Variants in NRG1 observed in about 807,000 individuals in gnomAD.
The protein encoded by NRG1 is neuregulin 1.
Under a neutral mutation model 63.8 loss-of-function variants are expected in NRG1, and 18 were observed. That is an observed-to-expected ratio of 0.28 (90% CI 0.19 to 0.42). The LOEUF (loss-of-function observed/expected upper bound fraction) is 0.42. Among genes scored for constraint, NRG1 ranks in the 10% least tolerant of loss-of-function variants. The probability of loss-of-function intolerance (pLI) is 1.00; values close to 1 mark genes in which losing one functional copy is unlikely to be tolerated. For missense variants in NRG1, 762 were observed against 814.7 expected (o/e 0.94, Z 0.79); for synonymous variants, 302 against 301.3 (o/e 1.00, Z -0.02).
chr8:32,728,462 C>T, intron 6 of NRG1: 1 of 985,136 alleles, frequency 1.0e-6, no homozygotes, highest in African/African-American at 1.7e-5. Flanking sequence ...GATAATGTTG[C>T]TTTCTTATCC....
chr8:32,544,295 A>T (rs1249086930), upstream of NRG1, among the ~76,000 whole-genome samples: 1 of 152,100 alleles, frequency 6.6e-6, no homozygotes, highest in Non-Finnish European at 1.5e-5. Context: ...TTAATTTTGC[A>T]GTATTTTTCT....
chr8:31,996,057 C>T (rs1811918208), intron 1 of NRG1, among the ~76,000 whole-genome samples: 1 of 151,728 alleles, frequency 6.6e-6, no homozygotes, highest in South Asian at 2.1e-4. Context: ...TCTTCTTCAT[C>T]TCATCAAGTA....
chr8:32,456,860 G>A (rs968522800), intron 1 of NRG1, among the ~76,000 whole-genome samples: 2 of 152,096 alleles, frequency 1.3e-5, no homozygotes, highest in Admixed American at 6.6e-5. Context: ...CTGGCCGGGC[G>A]TAGACTCACG....
chr8:31,959,800 T>C (rs1354142189), intron 1 of NRG1, among the ~76,000 whole-genome samples: 1 of 108,954 alleles, frequency 9.2e-6, no homozygotes, highest in African/African-American at 2.9e-5. Flanking sequence ...ATTTATTATT[T>C]ATTTATTTAT....
intron 1 of NRG1, among the ~76,000 whole-genome samples, chr8:32,194,713 A>G (rs1352396511): frequency 2.6e-5 from 4 of 152,112 alleles, no homozygotes; most frequent in African/African-American, 9.7e-5. Context: ...AAACTTGTAA[A>G]AAGTGAGACC....
At chr8:32,431,691 G>A (rs188055400) in intron 1 of NRG1, among the ~76,000 whole-genome samples, 10 of 151,834 alleles carry the variant, frequency 6.6e-5, no homozygotes, top group Middle Eastern at 3.4e-3. Flanking sequence ...ATATTTTAAC[G>A]ATGATTTAAT....
At chr8:32,306,742 A>C (rs781737640) in intron 1 of NRG1, among the ~76,000 whole-genome samples, 1 of 152,152 alleles carries the variant, frequency 6.6e-6, no homozygotes, top group African/African-American at 2.4e-5. Context: ...GTTGCTCCGA[A>C]TTTTGTGATC....
intron 5 of NRG1, among the ~76,000 whole-genome samples, chr8:32,661,574 G>A (rs1486207557): frequency 6.6e-6 from 1 of 150,742 alleles, no homozygotes. Context: ...CATGCAGCTA[G>A]TAAGAAACAC....
At chr8:31,716,886 A>G (rs1812401557) in intron 1 of NRG1, among the ~76,000 whole-genome samples, 1 of 152,238 alleles carries the variant, frequency 6.6e-6, no homozygotes, top group Non-Finnish European at 1.5e-5. Flanking sequence ...TATTCAGAAA[A>G]TGTCAGAGCT....
intron 1 of NRG1, among the ~76,000 whole-genome samples, chr8:32,506,059 G>A (rs1013060827): frequency 2.0e-5 from 3 of 151,966 alleles, no homozygotes; most frequent in South Asian, 4.1e-4. Context: ...AGACCATACT[G>A]GGCAAGATAG....
chr8:32,150,601 G>T (rs1837397033), intron 1 of NRG1, among the ~76,000 whole-genome samples: 1 of 152,142 alleles, frequency 6.6e-6, no homozygotes, highest in African/African-American at 2.4e-5. Flanking sequence ...CTTAATCTTG[G>T]ACGTTCCAGC....
At chr8:31,669,904 TGTG>T (rs1806947128) in intron 1 of NRG1, among the ~76,000 whole-genome samples, 2 of 152,186 alleles carry the variant, frequency 1.3e-5, no homozygotes, top group Non-Finnish European at 2.9e-5. Context: ...ATTTTCCACT[TGTG>T]GTGTCATGTT....
intron 2 of NRG1, among the ~76,000 whole-genome samples, chr8:32,601,255 T>C (rs1844304843): frequency 6.6e-6 from 1 of 152,304 alleles, no homozygotes; most frequent in South Asian, 2.1e-4. Context: ...TTCTGTGTGA[T>C]ATTTTTGAAT....
At chr8:32,296,344 C>T (rs1396925407) in intron 1 of NRG1, among the ~76,000 whole-genome samples, 1 of 152,250 alleles carries the variant, frequency 6.6e-6, no homozygotes, top group South Asian at 2.1e-4. Flanking sequence ...AACCCCAGCC[C>T]TTTGGGGGGC....
intron 1 of NRG1, among the ~76,000 whole-genome samples, chr8:31,884,050 G>A (rs1830545580): frequency 6.6e-6 from 1 of 152,028 alleles, no homozygotes; most frequent in Admixed American, 6.6e-5. Context: ...TTACTATTTA[G>A]ATCCTGAACA....
At chr8:31,927,542 G>C (rs1048682048) in intron 1 of NRG1, among the ~76,000 whole-genome samples, 2 of 143,484 alleles carry the variant, frequency 1.4e-5, no homozygotes, top group African/African-American at 5.1e-5. Flanking sequence ...TCCGCCTCCG[G>C]GGTTCACGCC....
chr8:31,687,569 T>C (rs1162296376), intron 1 of NRG1, among the ~76,000 whole-genome samples: 2 of 152,206 alleles, frequency 1.3e-5, no homozygotes, highest in African/African-American at 2.4e-5. Context: ...GCACTTACCA[T>C]GGTAGAGTAG....
intron 1 of NRG1, among the ~76,000 whole-genome samples, chr8:31,865,762 AC>A (rs1487213291): frequency 6.6e-6 from 1 of 152,140 alleles, no homozygotes; most frequent in Non-Finnish European, 1.5e-5. Flanking sequence ...ATTATAAATT[AC>A]CCAGTCTCAG....
intron 1 of NRG1, among the ~76,000 whole-genome samples, chr8:32,579,574 G>A (rs1270587086): frequency 6.6e-6 from 1 of 152,134 alleles, no homozygotes; most frequent in Non-Finnish European, 1.5e-5. Context: ...GGGTATGGAG[G>A]TGAAGTGACA....
Sources: gnomAD v4.1 joint callset for allele counts (sites outside exome capture counted in the v4.1 genomes callset) on GRCh38, gnomAD v4.1.1 for gene constraint, MANE v1.5 for transcripts, NCBI Gene and HGNC (gene_info 2026-07-23, HGNC 2026-07-21) for gene names.